CSMD1: variants seen among roughly 807,000 people sequenced by gnomAD.
CSMD1 encodes the protein CUB and sushi domain-containing protein 1.
In CSMD1, 213 loss-of-function variants were observed where a neutral mutation model predicts 417.5. That is an observed-to-expected ratio of 0.51 (90% CI 0.46 to 0.57). The LOEUF (loss-of-function observed/expected upper bound fraction) is 0.57, where lower values mean the gene tolerates loss of function less well. Among genes scored for constraint, CSMD1 ranks in the 20% least tolerant of loss-of-function variants. The probability of loss-of-function intolerance (pLI) is 0.00; values close to 1 mark genes in which losing one functional copy is unlikely to be tolerated. For missense variants in CSMD1, 6,923 were observed against 4,529.7 expected (o/e 1.53, Z -15.17); for synonymous variants, 2,862 against 1,736.8 (o/e 1.65, Z -16.11).
At chr8:4,082,916 C>A (rs1311255033) in intron 3 of CSMD1, among the ~76,000 whole-genome samples, 1 of 151,928 alleles carries the variant, frequency 6.6e-6, no homozygotes, top group Non-Finnish European at 1.5e-5. Context: ...TTTCCAATTT[C>A]ATCCATGTCC....
intron 5 of CSMD1, among the ~76,000 whole-genome samples, chr8:3,950,243 T>C (rs922283673): frequency 6.6e-6 from 1 of 152,178 alleles, no homozygotes; most frequent in African/African-American, 2.4e-5. Context: ...AGAATTATGA[T>C]GATGAATTAG....
intron 3 of CSMD1, among the ~76,000 whole-genome samples, chr8:4,322,279 A>T (rs1323692592): frequency 6.6e-6 from 1 of 152,186 alleles, no homozygotes; most frequent in African/African-American, 2.4e-5. Context: ...CATAAGTGAG[A>T]CCTGAATTCA....
intron 5 of CSMD1, among the ~76,000 whole-genome samples, chr8:3,948,843 T>G (rs574883332): frequency 9.9e-4 from 150 of 152,208 alleles, no homozygotes; most frequent in Non-Finnish European, 1.9e-3. Flanking sequence ...TTGCAAGGGG[T>G]ATCCAATTTT....
intron 3 of CSMD1, among the ~76,000 whole-genome samples, chr8:4,217,399 C>G (rs543583621): frequency 1.3e-5 from 2 of 152,136 alleles, no homozygotes; most frequent in South Asian, 4.2e-4. Context: ...AAATATAACT[C>G]TAATATAGTT....
At chr8:3,349,260 T>C (rs143879458) in intron 21 of CSMD1, among the ~76,000 whole-genome samples, 4 of 152,298 alleles carry the variant, frequency 2.6e-5, no homozygotes, top group African/African-American at 9.6e-5. Context: ...GCATGCCCAC[T>C]GCCACGATAC....
At chr8:4,783,350 C>T (rs542458932) in intron 1 of CSMD1, among the ~76,000 whole-genome samples, 440 of 152,258 alleles carry the variant, frequency 2.9e-3, no homozygotes, top group South Asian at 9.6e-3. Flanking sequence ...CCACAGCCTC[C>T]TAATCAGAGG....
At chr8:4,263,143 A>G (rs1174180061) in intron 3 of CSMD1, among the ~76,000 whole-genome samples, 1 of 152,172 alleles carries the variant, frequency 6.6e-6, no homozygotes, top group East Asian at 1.9e-4. Context: ...TTTTTCAAAA[A>G]TGTATTACGT....
At chr8:4,658,797 T>C (rs1171255113) in intron 1 of CSMD1, among the ~76,000 whole-genome samples, 1 of 152,148 alleles carries the variant, frequency 6.6e-6, no homozygotes, top group African/African-American at 2.4e-5. Context: ...TCACCACACA[T>C]CTGGGTTAAT....
At chr8:3,792,423 T>A (rs368495273) in intron 5 of CSMD1, among the ~76,000 whole-genome samples, 1 of 152,204 alleles carries the variant, frequency 6.6e-6, no homozygotes, top group Non-Finnish European at 1.5e-5. Context: ...TATTTGGTTA[T>A]AAAAACAAAG....
intron 30 of CSMD1, among the ~76,000 whole-genome samples, chr8:3,209,327 T>A (rs1468423853): frequency 6.6e-6 from 1 of 152,046 alleles, no homozygotes; most frequent in African/African-American, 2.4e-5. Context: ...TTATATTTAT[T>A]TATTTTTGAG....
chr8:4,589,574 G>A (rs1309643676), intron 2 of CSMD1, among the ~76,000 whole-genome samples: 1 of 152,080 alleles, frequency 6.6e-6, no homozygotes, highest in African/African-American at 2.4e-5. Context: ...CTATAATATG[G>A]GACTTGCTTG....
At chr8:4,001,159 T>A (rs1301828409) in intron 4 of CSMD1, among the ~76,000 whole-genome samples, 3 of 152,208 alleles carry the variant, frequency 2.0e-5, no homozygotes, top group Non-Finnish European at 4.4e-5. Flanking sequence ...GTCGTATTTA[T>A]GTGCATGGTA....
chr8:3,755,553 G>C (rs748947031), intron 5 of CSMD1, among the ~76,000 whole-genome samples: 1 of 152,064 alleles, frequency 6.6e-6, no homozygotes, highest in Non-Finnish European at 1.5e-5. Context: ...CGCCGCAGCT[G>C]CTTGGTAAAG....
intron 3 of CSMD1, among the ~76,000 whole-genome samples, chr8:4,254,845 G>A (rs1232880493): frequency 6.6e-6 from 1 of 152,128 alleles, no homozygotes; most frequent in African/African-American, 2.4e-5. Context: ...GTACCATCTA[G>A]GTGGTCATAT....
chr8:3,706,301 C>G (rs539265345), intron 7 of CSMD1, among the ~76,000 whole-genome samples: 1 of 152,214 alleles, frequency 6.6e-6, no homozygotes, highest in Non-Finnish European at 1.5e-5. Flanking sequence ...TTGAATAAGG[C>G]ATATACTTGC....
At chr8:4,714,480 T>G (rs910393755) in intron 1 of CSMD1, among the ~76,000 whole-genome samples, 2 of 152,218 alleles carry the variant, frequency 1.3e-5, no homozygotes, top group Non-Finnish European at 2.9e-5. Context: ...ATATGCTTCA[T>G]CTTACTTAAC....
intron 23 of CSMD1, among the ~76,000 whole-genome samples, chr8:3,316,685 T>C (rs1446378290): frequency 1.3e-5 from 2 of 151,910 alleles, no homozygotes; most frequent in African/African-American, 4.8e-5. Flanking sequence ...TTTAAACGTG[T>C]GGCGGTTGTG....
chr8:3,972,448 C>A (rs1038018852), intron 5 of CSMD1, among the ~76,000 whole-genome samples: 1 of 152,148 alleles, frequency 6.6e-6, no homozygotes, highest in South Asian at 2.1e-4. Context: ...TCTTTGTAAA[C>A]AGTGATTCCT....
At chr8:4,146,234 A>C (rs1585416474) in intron 3 of CSMD1, among the ~76,000 whole-genome samples, 1 of 150,688 alleles carries the variant, frequency 6.6e-6, no homozygotes, top group African/African-American at 2.5e-5. Context: ...CTTGGAGAAA[A>C]CCTCTCCCAG....
Sources: gnomAD v4.1 joint callset for allele counts (sites outside exome capture counted in the v4.1 genomes callset) on GRCh38, gnomAD v4.1.1 for gene constraint, MANE v1.5 for transcripts, NCBI Gene and HGNC (gene_info 2026-07-23, HGNC 2026-07-21) for gene names.